INPP5A: variants seen among roughly 807,000 people sequenced by gnomAD.
INPP5A encodes the protein 43 kDa inositol polyphosphate 5-phophatase.
Under a neutral mutation model 65.2 loss-of-function variants are expected in INPP5A, and 14 were observed. The ratio of observed to expected loss-of-function variants is 0.21; its 90% confidence interval spans 0.14 to 0.34. The LOEUF (loss-of-function observed/expected upper bound fraction) is 0.34. INPP5A is among the 10% of genes least tolerant of loss of function. INPP5A has a pLI of 1.00. For synonymous variants in INPP5A, 207 were observed against 208.3 expected (o/e 0.99, Z 0.05); for missense variants, 431 against 545.6 (o/e 0.79, Z 2.09).
At chr10:132,542,272 T>G (rs1359361979) in intron 1 of INPP5A, among the ~76,000 whole-genome samples, 3 of 152,326 alleles carry the variant, frequency 2.0e-5, no homozygotes, top group Middle Eastern at 3.4e-3. Flanking sequence ...AGACCCGGGT[T>G]TGCAGAACGG....
intron 1 of INPP5A, among the ~76,000 whole-genome samples, chr10:132,548,343 G>C (rs1439167483): frequency 6.6e-6 from 1 of 152,154 alleles, no homozygotes; most frequent in Non-Finnish European, 1.5e-5. Flanking sequence ...CCAGGGGAAG[G>C]GGTGTTGAAG....
intron 6 of INPP5A, among the ~76,000 whole-genome samples, chr10:132,700,222 C>T (rs1480740958): frequency 6.6e-6 from 1 of 152,236 alleles, no homozygotes. Context: ...GAAAAGGCAC[C>T]GAGCCTCTTT....
intron 1 of INPP5A, among the ~76,000 whole-genome samples, chr10:132,566,705 T>C (rs962609945): frequency 1.3e-5 from 2 of 152,230 alleles, no homozygotes; most frequent in African/African-American, 2.4e-5. Flanking sequence ...CTTAATAAAA[T>C]TAAAACATGT....
intron 1 of INPP5A, among the ~76,000 whole-genome samples, chr10:132,599,916 G>T (rs922981845): frequency 6.6e-6 from 1 of 152,210 alleles, no homozygotes; most frequent in Non-Finnish European, 1.5e-5. Flanking sequence ...TGGAGTGGCT[G>T]GGATGCAGGT....
intron 1 of INPP5A, among the ~76,000 whole-genome samples, chr10:132,584,775 A>G (rs2071527395): frequency 6.6e-6 from 1 of 152,196 alleles, no homozygotes; most frequent in African/African-American, 2.4e-5. Flanking sequence ...TCCCTCTGTC[A>G]CCCAGGCTAG....
At chr10:132,583,767 G>T (rs2071515146) in intron 1 of INPP5A, among the ~76,000 whole-genome samples, 1 of 152,066 alleles carries the variant, frequency 6.6e-6, no homozygotes, top group South Asian at 2.1e-4. Context: ...CCCCTACTTG[G>T]TCACATTATA....
chr10:132,719,349 T>G (rs1185137536), intron 8 of INPP5A, among the ~76,000 whole-genome samples: 1 of 150,290 alleles, frequency 6.7e-6, no homozygotes, highest in African/African-American at 2.4e-5. Context: ...GTACCTGGGT[T>G]CTGTCTGGGC....
chr10:132,674,853 A>G lies in INPP5A; in HGVS notation c.307-15539A>G, dbSNP rs2072942146. On this transcript the variant is annotated intron_variant, in intron 4 of 15. Coordinates refer to ENST00000368594, the MANE Select transcript of INPP5A (RefSeq NM_005539.5). This position sits in a 1 kb window ranked among gnomAD's most constrained non-coding sequence, Gnocchi z 4.4. ...TCAAAAGGAGAGTAGTTACCTGCAG[A>G]AGATGGCAGGGCCTCACTCCAAAAT... 6.6e-6 allele frequency among the ~76,000 whole-genome samples: 1 copy of G among 152,224 alleles called. No individual in the cohort carries two copies. Among genetic ancestry groups the G allele is most frequent in the Non-Finnish European group, 1.5e-5 (1 of 68,038 alleles).
chr10:132,579,176 A>G (rs1564922786), intron 1 of INPP5A, among the ~76,000 whole-genome samples: 1 of 150,964 alleles, frequency 6.6e-6, no homozygotes, highest in Non-Finnish European at 1.5e-5. Context: ...GCGGGCTCCA[A>G]GCTGGGCTAG....
At chr10:132,738,594 C>T (rs1485626755) in intron 9 of INPP5A, among the ~76,000 whole-genome samples, 1 of 152,266 alleles carries the variant, frequency 6.6e-6, no homozygotes, top group East Asian at 1.9e-4. Context: ...GACCCGCCGC[C>T]TTCTTCCCAG....
chr10:132,737,959 A>G (rs757575098), intron 9 of INPP5A, among the ~76,000 whole-genome samples: 1 of 152,162 alleles, frequency 6.6e-6, no homozygotes, highest in Non-Finnish European at 1.5e-5. Context: ...ATTACCCAAT[A>G]TTTTCAACTG....
Position 132,782,049 on chromosome 10 carries a change from A to C in INPP5A, c.*20A>C, listed in dbSNP as rs191863719. On this transcript the variant is annotated 3_prime_UTR_variant, in exon 16 of 16. Coordinates refer to ENST00000368594, the MANE Select transcript of INPP5A (RefSeq NM_005539.5). This position sits in a 1 kb window ranked among gnomAD's most constrained non-coding sequence, Gnocchi z 4.4. ...AATTCCGTGACAGGGAAGAGATGCC[A>C]GCGCCACGAGAGGACACTTCGTGAG... is the stretch of plus-strand genomic sequence containing the variant. 16 of 1,577,498 alleles carry C rather than the reference A, an allele frequency of 1.0e-5. No homozygotes were observed. In the East Asian group the frequency reaches 1.8e-4, roughly 18 times the overall value.
intron 11 of INPP5A, among the ~76,000 whole-genome samples, chr10:132,750,524 G>A (rs956769782): frequency 6.6e-6 from 1 of 152,182 alleles, no homozygotes; most frequent in Non-Finnish European, 1.5e-5. Context: ...CGAGCGCTGA[G>A]GGGCGGCCTA....
At chr10:132,690,862 C>A (rs1845247157) in intron 5 of INPP5A, among the ~76,000 whole-genome samples, 1 of 152,236 alleles carries the variant, frequency 6.6e-6, no homozygotes, top group African/African-American at 2.4e-5. Flanking sequence ...ACGGAAAAGA[C>A]TTGCCCTGAG....
chr10:132,777,318 C>G (rs532045967), intron 12 of INPP5A, among the ~76,000 whole-genome samples: 1 of 152,300 alleles, frequency 6.6e-6, no homozygotes, highest in South Asian at 2.1e-4. Flanking sequence ...CGTCCTGGGA[C>G]CAGATGACAC....
intron 1 of INPP5A, among the ~76,000 whole-genome samples, chr10:132,559,000 T>G (rs1211667931): frequency 6.6e-6 from 1 of 152,148 alleles, no homozygotes; most frequent in African/African-American, 2.4e-5. Flanking sequence ...CCCAGACCCA[T>G]CGGCCTCCTC....
intron 11 of INPP5A, among the ~76,000 whole-genome samples, chr10:132,764,975 TGCG>T (rs1846815099): frequency 1.1e-5 from 1 of 89,696 alleles, no homozygotes; most frequent in Admixed American, 1.3e-4. Flanking sequence ...TCAGTCCTGC[TGCG>T]GTGGGAGGGT....
intron 8 of INPP5A, among the ~76,000 whole-genome samples, chr10:132,715,347 C>T (rs1471303299): frequency 6.6e-6 from 1 of 152,238 alleles, no homozygotes; most frequent in Non-Finnish European, 1.5e-5. Context: ...TATTTTCTCA[C>T]AAATACAGTC....
intron 1 of INPP5A, among the ~76,000 whole-genome samples, chr10:132,559,234 A>G (rs1025481757): frequency 6.6e-6 from 1 of 152,170 alleles, no homozygotes; most frequent in African/African-American, 2.4e-5. Flanking sequence ...GGCCAGCTCC[A>G]TCCCCTCTCC....
Sources: gnomAD v4.1 joint callset for allele counts (sites outside exome capture counted in the v4.1 genomes callset) on GRCh38, gnomAD v4.1.1 for gene constraint, Gnocchi (gnomAD v3.1) non-coding constraint, MANE v1.5 for transcripts, NCBI Gene and HGNC (gene_info 2026-07-23, HGNC 2026-07-21) for gene names.